Variants in COL4A5 observed in about 807,000 individuals in gnomAD.
The protein encoded by COL4A5 is collagen alpha-5(IV) chain.
Under a neutral mutation model 130.2 loss-of-function variants are expected in COL4A5, and 26 were observed. The ratio of observed to expected loss-of-function variants is 0.20; its 90% CI spans 0.15 to 0.28. The LOEUF is 0.28. Ranked by LOEUF, COL4A5 falls within the 10% of genes least tolerant of loss-of-function variation. The probability of loss-of-function intolerance (pLI) is 1.00; values close to 1 mark genes in which losing one functional copy is unlikely to be tolerated. For missense variants in COL4A5, 1,131 were observed against 1,344.3 expected (o/e 0.84, Z 2.48); for synonymous variants, 496 against 439.6 (o/e 1.13, Z -1.60).
chrX:108,687,843 A>T, intron 49 of COL4A5, 149 bp downstream of exon 49: 1 of 489,965 alleles, frequency 2.0e-6, no homozygotes, highest in East Asian at 3.5e-5. Flanking sequence ...AACTGAATAT[A>T]TTCACTATGA....
intron 4 of COL4A5, among the ~76,000 whole-genome samples, chrX:108,564,549 C>T (rs918682296): frequency 9.0e-6 from 1 of 111,730 alleles, no homozygotes; most frequent in Admixed American, 9.5e-5. Context: ...TGACATATGT[C>T]TTACAGTGTA....
intron 1 of COL4A5, among the ~76,000 whole-genome samples, chrX:108,452,789 C>T (rs1444756344): frequency 1.8e-5 from 2 of 111,624 alleles, no homozygotes; most frequent in Non-Finnish European, 3.8e-5. Context: ...AGTTTGACTT[C>T]GTCTTTTCGT....
intron 36 of COL4A5, among the ~76,000 whole-genome samples, chrX:108,628,819 A>G (rs1173052909): frequency 8.9e-6 from 1 of 111,970 alleles, no homozygotes. Flanking sequence ...TGTATGATTT[A>G]CCAGGTACTG....
At position 108,679,634 on chromosome X, in the gene COL4A5, T is replaced by C. The variant is rs757414664; in HGVS notation, c.3943-1045T>C. Among the ~76,000 whole-genome samples the C allele has an allele frequency of 2.7e-5, 3 of 111,129 alleles. No individual in the cohort carries two copies. In the South Asian group the frequency reaches 1.2e-3, roughly 43 times the overall value. On this transcript the variant is annotated intron_variant, in intron 44 of 52. Transcript: ENST00000328300. ...TGCTCCAGGCTTGTTCCTCTTTCATTCTTACTAACATAAGCTTCGTTGTCC... is the reference window on the plus strand; with the variant it reads ...TGCTCCAGGCTTGTTCCTCTTTCATCCTTACTAACATAAGCTTCGTTGTCC...
At chrX:108,632,036 G>C (rs1379815622) in intron 36 of COL4A5, among the ~76,000 whole-genome samples, 1 of 111,186 alleles carries the variant, frequency 9.0e-6, no homozygotes, top group Non-Finnish European at 1.9e-5. Context: ...AATGAATCCA[G>C]GAGCTGGCTT....
chrX:108,451,594 A>C (rs1312140316), intron 1 of COL4A5, among the ~76,000 whole-genome samples: 1 of 110,177 alleles, frequency 9.1e-6, no homozygotes, highest in Non-Finnish European at 1.9e-5. Flanking sequence ...TCTGATGGCC[A>C]GTGATGATGA....
chrX:108,585,108 T>C (rs1236303738), intron 18 of COL4A5, among the ~76,000 whole-genome samples: 1 of 112,094 alleles, frequency 8.9e-6, no homozygotes, highest in African/African-American at 3.2e-5. Context: ...CACTATGAAA[T>C]TTAAGTCAAA....
chrX:108,473,633 A>ATATATATATATATATATATTTTTTTTTTT, intron 1 of COL4A5, among the ~76,000 whole-genome samples: 1 of 34,567 alleles, frequency 2.9e-5, no homozygotes, highest in African/African-American at 1.1e-4. Flanking sequence ...ATATATATAT[A>ATATATATATATATATATATTTTTTTTTTT]TTTTTTTTTT....
At chrX:108,523,904 T>C (rs1158521328) in intron 1 of COL4A5, among the ~76,000 whole-genome samples, 1 of 111,627 alleles carries the variant, frequency 9.0e-6, no homozygotes, top group Non-Finnish European at 1.9e-5. Context: ...AGGAATACAA[T>C]TGATTTTTAT....
rs111678408 is a variant in COL4A5 at position 108,577,689 on chromosome X, T to C, written c.610-263T>C. 5.9e-3 allele frequency among the ~76,000 whole-genome samples: 662 copies of C among 111,331 alleles called. 2 individuals carry two copies. Among genetic ancestry groups the C allele is most frequent in the East Asian group, 0.036 (126 of 3,496 alleles). On this transcript the variant is annotated intron_variant, in intron 10 of 52. Coordinates refer to ENST00000328300, the MANE Select transcript of COL4A5 (RefSeq NM_033380.3). Reference sequence around the variant, plus strand: ...CTGTTGAGATTAACTTTTGAATTGATTTTTGACAATGGGGCTACCTCTCTA... The same window carrying C: ...CTGTTGAGATTAACTTTTGAATTGACTTTTGACAATGGGGCTACCTCTCTA...
intron 36 of COL4A5, among the ~76,000 whole-genome samples, chrX:108,642,370 T>C (rs914970951): frequency 9.0e-6 from 1 of 110,909 alleles, no homozygotes; most frequent in Non-Finnish European, 1.9e-5. Flanking sequence ...CACTGGTTCC[T>C]CTCCATACTA....
intron 52 of COL4A5, chrX:108,695,653 G>A: frequency 7.2e-6 from 3 of 415,890 alleles, no homozygotes; most frequent in Non-Finnish European, 1.3e-5. Flanking sequence ...TGATAGCTTA[G>A]TAGTAATCCT....
At chrX:108,617,499 C>T (rs1484268681) in intron 30 of COL4A5, among the ~76,000 whole-genome samples, 1 of 111,574 alleles carries the variant, frequency 9.0e-6, no homozygotes, top group African/African-American at 3.3e-5. Flanking sequence ...CTTTTCTAAA[C>T]CAGGCTATAC....
chrX:108,462,395 G>C (rs1881415479), intron 1 of COL4A5: 2 of 111,648 alleles, frequency 1.8e-5, no homozygotes, highest in South Asian at 7.5e-4. Context: ...TACAGTCATA[G>C]GGTTATTTTA....
intron 1 of COL4A5, among the ~76,000 whole-genome samples, chrX:108,536,281 G>C (rs557158035): frequency 9.1e-6 from 1 of 109,588 alleles, no homozygotes; most frequent in African/African-American, 3.3e-5. Context: ...GTGTGTGTGT[G>C]CACGTGCTTG....
chrX:108,601,330 TA>T (rs2066624288), intron 25 of COL4A5, 62 bp from the exon 26 acceptor site: 2 of 774,790 alleles, frequency 2.6e-6, no homozygotes, highest in South Asian at 2.3e-5. Flanking sequence ...TGTTTTTAAT[TA>T]AAAAGAGACC....
rs780907900 is a variant in COL4A5, at chrX:108,674,008, C to T, written c.3800-737C>T. Among the ~76,000 whole-genome samples the T allele has an allele frequency of 2.8e-5, 3 of 109,041 alleles. No individual in the cohort carries two copies. In the East Asian group the frequency reaches 8.7e-4, roughly 32 times the overall value. 94.7% of individuals were successfully genotyped at this position (109,041 alleles called of 115,157 possible). ...AGTGAGCTGAGATCACACCATTGCA[C>T]TCCAGCCTGGGCGACAGAGTGAGAC... On this transcript the variant is annotated intron_variant, in intron 42 of 52. Transcript: ENST00000328300.
At chrX:108,597,719 T>C (rs763027880) in intron 24 of COL4A5, 151 bp downstream of exon 24, 1 of 535,902 alleles carries the variant, frequency 1.9e-6, no homozygotes, top group Admixed American at 2.9e-5. Context: ...ACATTGTTAC[T>C]GACTACGTAG....
At chrX:108,608,389 G>A (rs542243340) in intron 29 of COL4A5, among the ~76,000 whole-genome samples, 1 of 111,014 alleles carries the variant, frequency 9.0e-6, no homozygotes, top group Non-Finnish European at 1.9e-5. Context: ...CCCTGCCAAC[G>A]TTTTGTTTTT....
Sources: gnomAD v4.1 joint callset for allele counts (sites outside exome capture counted in the v4.1 genomes callset) on GRCh38, gnomAD v4.1.1 for gene constraint, MANE v1.5 for transcripts, NCBI Gene and HGNC (gene_info 2026-07-23, HGNC 2026-07-21) for gene names.